RAP1GAP2: variants seen among roughly 807,000 people sequenced by gnomAD.
RAP1GAP2 encodes RAP1 GTPase activating protein 2, also known as rap1 GTPase-activating protein 2.
Under a neutral mutation model 95.0 loss-of-function variants are expected in RAP1GAP2, and 27 were observed. That is an observed-to-expected ratio of 0.28 (90% CI 0.21 to 0.39). RAP1GAP2 has a LOEUF of 0.39. Ranked by LOEUF, RAP1GAP2 falls within the 10% of genes least tolerant of loss-of-function variation. The pLI is 1.00. For synonymous variants in RAP1GAP2, 373 were observed against 380.9 expected (o/e 0.98, Z 0.24); for missense variants, 771 against 970.0 (o/e 0.79, Z 2.72).
At chr17:2,833,027 C>T (rs775670094) in intron 2 of RAP1GAP2, among the ~76,000 whole-genome samples, 16 of 152,030 alleles carry the variant, frequency 1.1e-4, no homozygotes, top group Non-Finnish European at 2.2e-4. Flanking sequence ...CCTTAAGTAA[C>T]CATCAATGTC....
chr17:2,790,380 A>C (rs2068894586), intron 1 of RAP1GAP2, among the ~76,000 whole-genome samples: 1 of 152,098 alleles, frequency 6.6e-6, no homozygotes, highest in Non-Finnish European at 1.5e-5. Flanking sequence ...TGTAATCCCA[A>C]AGCGCTGGGA....
chr17:2,915,807 C>T (rs1341554414), intron 3 of RAP1GAP2, among the ~76,000 whole-genome samples: 1 of 152,150 alleles, frequency 6.6e-6, no homozygotes, highest in African/African-American at 2.4e-5. Flanking sequence ...AAGCGATTCT[C>T]CTGCCTCAGC....
chr17:2,923,956 T>A (rs958930091), intron 3 of RAP1GAP2, among the ~76,000 whole-genome samples: 14 of 152,144 alleles, frequency 9.2e-5, no homozygotes, highest in African/African-American at 3.1e-4. Flanking sequence ...CATTAACCAA[T>A]GAAGAAGAAA....
intron 2 of RAP1GAP2, among the ~76,000 whole-genome samples, chr17:2,873,936 A>AT (rs1224386673): frequency 6.7e-6 from 1 of 148,564 alleles, no homozygotes; most frequent in Non-Finnish European, 1.5e-5. Flanking sequence ...CTAATTCTGT[A>AT]TTTTTGGTAG....
chr17:2,806,901 C>CTT (rs2069544735), intron 2 of RAP1GAP2, among the ~76,000 whole-genome samples: 1 of 152,110 alleles, frequency 6.6e-6, no homozygotes, highest in South Asian at 2.1e-4. Context: ...CCAGGCTGGT[C>CTT]TCAAACTCCT....
Position 2,800,499 on chromosome 17 carries a change from G to A in RAP1GAP2, c.45-16G>A, listed in dbSNP as rs779505081. 4 of 1,611,600 alleles carry A rather than the reference G, an allele frequency of 2.5e-6. No individual in the cohort carries two copies. In the South Asian group the frequency reaches 4.4e-5, roughly 18 times the overall value. ...AGCCTCAGCACTGACCGGAGCCCTT[G>A]CTTTTCTCTTGGCAGGATCGACAAG... On this transcript the variant is annotated splice_polypyrimidine_tract_variant and intron_variant, in intron 1 of 24. Transcript: ENST00000254695.
chr17:3,030,227 T>C (rs2047250601), intron 22 of RAP1GAP2, among the ~76,000 whole-genome samples: 1 of 148,320 alleles, frequency 6.7e-6, no homozygotes. Flanking sequence ...CCATGAGTAT[T>C]TTGTATTAAG....
chr17:2,948,696 G>C (rs914627971), intron 3 of RAP1GAP2, among the ~76,000 whole-genome samples: 10 of 147,428 alleles, frequency 6.8e-5, no homozygotes, highest in African/African-American at 2.3e-4. Context: ...ATGAGATGGA[G>C]AGAAGGGGTC....
In RAP1GAP2 at chr17:2,949,236, C is replaced by T. The variant is rs28650902; in HGVS notation, c.166-8523C>T. ...CTGATTTGGGTGGCAAGAGCTGCTG[C>T]TGCTAATACATTAGACAGCTGCATG... On this transcript the variant is annotated intron_variant, in intron 3 of 24. Transcript: ENST00000254695. Among the ~76,000 whole-genome samples, 928 of 152,300 alleles carry T rather than the reference C, an allele frequency of 6.1e-3. 12 individuals carry two copies. The highest frequency in any genetic ancestry group is 0.02 in the African/African-American group (836 of 41,566).
rs1555581850 is a variant in RAP1GAP2 at position 2,969,179 on chromosome 17, C to CTATCTATATA, written c.596+3539_596+3540insCTATATATAT. Among the ~76,000 whole-genome samples, 6 of 143,224 alleles carry CTATCTATATA rather than the reference C, an allele frequency of 4.2e-5. No individual in the cohort carries two copies. In the East Asian group the frequency reaches 1.1e-3, roughly 26 times the overall value. The allele number at this position is 143,224 out of a possible 152,430, so 94.0% of individuals were successfully genotyped here. On this transcript the variant is annotated intron_variant, in intron 8 of 24. Coordinates refer to ENST00000254695, the MANE Select transcript of RAP1GAP2 (RefSeq NM_015085.5). ...TATTTTTCTTTATCTATCTATCTAT[C>CTATCTATATA]TATATATATATATATCTGTTTCTGT...
At position 2,809,635 on chromosome 17, in the gene RAP1GAP2, G is replaced by C. The variant is rs75269732; in HGVS notation, c.80+9085G>C. Among the ~76,000 whole-genome samples, 373 of 152,322 alleles carry C rather than the reference G, an allele frequency of 2.4e-3. 12 individuals carry two copies. In the East Asian group the frequency reaches 0.053, roughly 22 times the overall value. On this transcript the variant is annotated intron_variant, in intron 2 of 24. Transcript: ENST00000254695. ...GCCTGGCCTGGATGGGAAGACTCAC[G>C]GTCCTGTGGAAGAGGCCAGAGGGCT...
intron 3 of RAP1GAP2, among the ~76,000 whole-genome samples, chr17:2,911,178 GCC>G (rs2042366918): frequency 6.6e-6 from 1 of 151,920 alleles, no homozygotes; most frequent in Non-Finnish European, 1.5e-5. Flanking sequence ...CTCCCCCCGG[GCC>G]CCCACCCTCA....
In RAP1GAP2 at chr17:2,965,735, A is replaced by G; in HGVS notation, c.596+92A>G. The G allele has an allele frequency of 1.0e-6, 1 of 962,600 alleles. No homozygotes were observed. The highest frequency in any genetic ancestry group is 1.6e-5 in the African/African-American group (1 of 62,172). The allele number at this position is 962,600 out of a possible 1,614,324, so 59.6% of individuals were successfully genotyped here. A position where few individuals can be genotyped will look rare whatever the true frequency, so the allele number is the denominator to read the frequency against. ...CTGGGATGGGACTCAGAAATACCAG[A>G]CTGACCAGTCTGGTCTGGGTGCACT... On this transcript the variant is annotated intron_variant, in intron 8 of 24. Coordinates refer to ENST00000254695, the MANE Select transcript of RAP1GAP2 (RefSeq NM_015085.5). This position sits in a 1 kb window ranked among gnomAD's most constrained non-coding sequence, Gnocchi z 4.7.
At chr17:2,905,511 C>A in intron 3 of RAP1GAP2, 143 bp downstream of exon 3, 1 of 750,632 alleles carries the variant, frequency 1.3e-6, no homozygotes, top group Middle Eastern at 3.5e-4. Flanking sequence ...AGGTGATGTT[C>A]AGTTAAGCAC....
chr17:2,891,256 C>G (rs189488794), intron 2 of RAP1GAP2, among the ~76,000 whole-genome samples: 9 of 151,874 alleles, frequency 5.9e-5, no homozygotes, highest in Admixed American at 2.6e-4. Context: ...CAAGCGATCC[C>G]CCTACCTCAG....
chr17:3,016,296 A>G (rs895277032), intron 17 of RAP1GAP2, among the ~76,000 whole-genome samples: 2 of 152,258 alleles, frequency 1.3e-5, no homozygotes, highest in Non-Finnish European at 2.9e-5. Context: ...CTCCTCTGCC[A>G]CTGGCAAGAG....
intron 12 of RAP1GAP2, among the ~76,000 whole-genome samples, chr17:2,991,876 T>G (rs1417084121): frequency 6.6e-6 from 1 of 152,206 alleles, no homozygotes; most frequent in Admixed American, 6.5e-5. Flanking sequence ...GCGATTCTCC[T>G]GCCTCGGCCT....
chr17:2,781,907 GGTCTCTGTGTGGGCAC>G (rs1567644111), intron 1 of RAP1GAP2, among the ~76,000 whole-genome samples: 6 of 147,746 alleles, frequency 4.1e-5, no homozygotes, highest in Non-Finnish European at 6.0e-5. Context: ...TGTGTGTGCA[GGTCTCTGTGTGGGCAC>G]GTCTCTGTGT....
upstream of RAP1GAP2, among the ~76,000 whole-genome samples, chr17:2,772,843 TTTTC>T (rs60767054): frequency 1.2e-3 from 162 of 131,114 alleles, 1 homozygote; most frequent in South Asian, 0.018. Flanking sequence ...TTCTTTTTCT[TTTTC>T]TTTCTTTCTT....
Sources: gnomAD v4.1 joint callset for allele counts (sites outside exome capture counted in the v4.1 genomes callset) on GRCh38, gnomAD v4.1.1 for gene constraint, Gnocchi (gnomAD v3.1) non-coding constraint, MANE v1.5 for transcripts, NCBI Gene and HGNC (gene_info 2026-07-23, HGNC 2026-07-21) for gene names.